Variants in HMCN2 observed in about 807,000 individuals in gnomAD.
HMCN2 encodes the protein hemicentin 2.
HMCN2 carries 325 observed loss-of-function variants against 377.5 expected under a neutral mutation model. The observed-to-expected ratio is 0.86, with a 90% CI of 0.79 to 0.94. HMCN2 has a LOEUF of 0.94. Among genes scored for constraint, HMCN2 ranks in the 40% least tolerant of loss-of-function variants. The pLI, the probability that HMCN2 is intolerant of heterozygous loss-of-function variation, is 0.00. For synonymous variants in HMCN2, 2,007 were observed against 2,046.8 expected (o/e 0.98, Z 0.53); for missense variants, 4,543 against 4,725.3 (o/e 0.96, Z 1.13).
chr9:130,355,151 G>A (rs1015426043), intron 32 of HMCN2, 107 bp downstream of exon 32: 1 of 918,882 alleles, frequency 1.1e-6, no homozygotes. Context: ...AGGGTGGGGA[G>A]AAGTAACCAG....
At chr9:130,296,583 T>G (rs782359715) in intron 6 of HMCN2, 91 bp from the exon 7 acceptor site, 10 of 423,118 alleles carry the variant, frequency 2.4e-5, no homozygotes, top group Admixed American at 1.0e-4. Context: ...CAGCTGCTGA[T>G]GCAGGGCTGG....
chr9:130,427,277 C>T, intron 90 of HMCN2, 36 bp from the exon 91 acceptor site: 1 of 1,546,564 alleles, frequency 6.5e-7, no homozygotes, highest in Non-Finnish European at 8.7e-7. Flanking sequence ...AGAGGACACC[C>T]TCATGTCCTT....
chr9:130,300,203 C>T (rs1239162561), intron 8 of HMCN2, among the ~76,000 whole-genome samples: 2 of 152,072 alleles, frequency 1.3e-5, no homozygotes, highest in African/African-American at 4.8e-5. Flanking sequence ...ATCCATCTAC[C>T]CACCCATTCA....
chr9:130,424,518 G>A (rs187332438), intron 87 of HMCN2, among the ~76,000 whole-genome samples: 10 of 152,252 alleles, frequency 6.6e-5, no homozygotes, highest in Non-Finnish European at 1.5e-4. Context: ...TGTAGAGACA[G>A]AGTCTCACTA....
At chr9:130,396,102 T>A in intron 72 of HMCN2, 37 bp downstream of exon 72, 7 of 406,096 alleles carry the variant, frequency 1.7e-5, no homozygotes, top group Non-Finnish European at 2.2e-5. Flanking sequence ...CTGCCCACCT[T>A]ACCCCACCCT....
intron 25 of HMCN2, among the ~76,000 whole-genome samples, chr9:130,344,554 G>A (rs997116437): frequency 6.6e-6 from 1 of 150,576 alleles, no homozygotes; most frequent in Non-Finnish European, 1.5e-5. Flanking sequence ...GGTATGTGGT[G>A]TTTGGTATGT....
In HMCN2 at chr9:130,354,924, G is replaced by T. The variant is rs1416213186; in HGVS notation, c.5026G>T (p.Glu1676Ter). The T allele has an allele frequency of 3.1e-6, 4 of 1,303,832 alleles. No homozygotes were observed. Among genetic ancestry groups the T allele is most frequent in the Non-Finnish European group, 4.0e-6 (4 of 988,960 alleles). 80.8% of individuals were successfully genotyped at this position (1,303,832 alleles called of 1,614,324 possible). A position where few individuals can be genotyped will look rare whatever the true frequency, so the allele number is the denominator to read the frequency against. ...PVAESNESRL[E>*]TDGSVLRLES... ...GGCAGAGAGCAACGAGTCGCGGCTG[G>T]AGACAGACGGGAGTGTGCTGAGGCT... is the stretch of plus-strand genomic sequence containing the variant. The change falls in exon 32 of 98, where the codon GAG becomes TAG. Residue 1676 changes from glutamate (E) to a stop codon, truncating the protein, a stop_gained. Coordinates refer to ENST00000683500, the MANE Select transcript of HMCN2 (RefSeq NM_001291815.2). LOFTEE classifies it high-confidence loss of function.
intron 80 of HMCN2, among the ~76,000 whole-genome samples, chr9:130,404,525 C>T (rs529425011): frequency 1.6e-4 from 24 of 152,380 alleles, no homozygotes; most frequent in African/African-American, 5.8e-4. Context: ...AGCTGCCCTG[C>T]TTTTGTTCCT....
chr9:130,281,641 C>T lies in HMCN2; in HGVS notation c.260-2962C>T, dbSNP rs187675627. 3.3e-5 allele frequency among the ~76,000 whole-genome samples: 5 copies of T among 150,084 alleles called. No individual in the cohort carries two copies. The East Asian group carries it at 7.9e-4, about 24-fold the overall frequency. ...CGCACTGGCTCATGCCTGCTGTAAT[C>T]GCAGCACTTTGGGAGGCTGAGGCGG... On this transcript the variant is annotated intron_variant, in intron 1 of 97. Transcript: ENST00000683500.
chr9:130,280,685 A>T (rs1308684775), intron 1 of HMCN2, among the ~76,000 whole-genome samples: 1 of 152,198 alleles, frequency 6.6e-6, no homozygotes, highest in African/African-American at 2.4e-5. Flanking sequence ...TGTTATTTAT[A>T]CTTCAATAAA....
chr9:130,364,044 C>T (rs182440998), intron 40 of HMCN2, among the ~76,000 whole-genome samples: 22 of 152,172 alleles, frequency 1.4e-4, no homozygotes, highest in Non-Finnish European at 7.4e-5. Flanking sequence ...TAGTCTTGGG[C>T]GGGAGGTTAT....
At chr9:130,411,682 A>G (rs1843420885) in intron 85 of HMCN2, among the ~76,000 whole-genome samples, 1 of 151,810 alleles carries the variant, frequency 6.6e-6, no homozygotes, top group South Asian at 2.1e-4. Context: ...TGAGGTCATT[A>G]TGCGAAGTGG....
intron 71 of HMCN2, 96 bp from the exon 72 acceptor site, chr9:130,395,828 G>A: frequency 8.4e-7 from 1 of 1,190,862 alleles, no homozygotes; most frequent in Non-Finnish European, 1.1e-6. Context: ...CCACTGTCCA[G>A]CTTCACCAGT....
Position 130,414,585 on chromosome 9 carries a change from GT to G in HMCN2, c.12961+3934del, listed in dbSNP as rs1292737893. Among the ~76,000 whole-genome samples the G allele has an allele frequency of 3.3e-5, 5 of 151,164 alleles. 1 individual carries two copies. The highest frequency in any genetic ancestry group is 5.9e-5 in the Non-Finnish European group (4 of 67,906). On this transcript the variant is annotated intron_variant, in intron 85 of 97. Transcript: ENST00000683500. The surrounding 1 kb of genome is among the most constrained non-coding windows in gnomAD (Gnocchi z 4.4). ...CAGACAACAGATGCCTACTGAGATA[GT>G]ACAGATATCAGGTAATCTGATAAGG...
chr9:130,380,411 G>A (rs922781476), intron 54 of HMCN2, among the ~76,000 whole-genome samples: 1 of 152,112 alleles, frequency 6.6e-6, no homozygotes. Context: ...CCGGCAATGG[G>A]GCTGGTTTTG....
chr9:130,395,489 C>A lies in HMCN2; in HGVS notation c.10911+142C>A. 7.5e-6 allele frequency: 5 copies of A among 670,504 alleles called. No individual in the cohort carries two copies. The South Asian group carries it at 7.7e-5, about 10-fold the overall frequency. The allele number at this position is 670,504 out of a possible 1,614,324, so 41.5% of individuals were successfully genotyped here. On this transcript the variant is annotated intron_variant, in intron 71 of 97. Transcript: ENST00000683500. Reference sequence around the variant, plus strand: ...TGCACCCTGTTCCCCGGGTGTCATACCCCCCGCCATTGTCATTGTCACTCC... The same window carrying A: ...TGCACCCTGTTCCCCGGGTGTCATAACCCCCGCCATTGTCATTGTCACTCC...
chr9:130,332,985 G>A (rs1378676359), intron 22 of HMCN2, among the ~76,000 whole-genome samples: 1 of 152,196 alleles, frequency 6.6e-6, no homozygotes, highest in African/African-American at 2.4e-5. Flanking sequence ...GCGGGGGTCT[G>A]GGGAGGGCAG....
In HMCN2 at chr9:130,369,902, G is replaced by C. The variant is rs1408228154; in HGVS notation, c.7069+51G>C. On this transcript the variant is annotated intron_variant, in intron 45 of 97. Coordinates refer to ENST00000683500, the MANE Select transcript of HMCN2 (RefSeq NM_001291815.2). The surrounding 1 kb of genome is among the most constrained non-coding windows in gnomAD (Gnocchi z 4.5). ...GTTGGGCTGGGGCAGATTAGAGTGG[G>C]CAAGGTGGGTTCAATCTCCAGGCAC... 5.6e-5 allele frequency: 54 copies of C among 972,842 alleles called. No individual in the cohort carries two copies. The highest frequency in any genetic ancestry group is 5.2e-4 in the Middle Eastern group (1 of 1,924). The allele number at this position is 972,842 out of a possible 1,614,324, so 60.3% of individuals were successfully genotyped here. A position where few individuals can be genotyped will look rare whatever the true frequency, so the allele number is the denominator to read the frequency against.
In HMCN2 at chr9:130,296,663, G is replaced by A. The variant is rs897001115; in HGVS notation, c.892-11G>A. ...CATCCTCTGGTGATGTGAGACCTGG[G>A]CCTGCGCTAGGTCTATAGCAGTGGC... On this transcript the variant is annotated splice_polypyrimidine_tract_variant and intron_variant, in intron 6 of 97. Transcript: ENST00000683500. 1 of 470,752 alleles carries A rather than the reference G, an allele frequency of 2.1e-6. No individual in the cohort carries two copies. Among genetic ancestry groups the A allele is most frequent in the Non-Finnish European group, 4.4e-6 (1 of 227,028 alleles). 29.2% of individuals were successfully genotyped at this position (470,752 alleles called of 1,614,324 possible). A position where few individuals can be genotyped will look rare whatever the true frequency, so the allele number is the denominator to read the frequency against.
Sources: allele counts gnomAD v4.1 joint callset (sites outside exome capture counted in the v4.1 genomes callset), GRCh38; gene constraint gnomAD v4.1.1; non-coding constraint Gnocchi (gnomAD v3.1); transcripts MANE v1.5; gene names NCBI Gene and HGNC (gene_info 2026-07-23, HGNC 2026-07-21).